The following TREM2 variants were observed in gnomAD, a reference collection of about 807,000 sequenced individuals.
The protein encoded by TREM2 is triggering receptor expressed on monocytes 2.
A neutral mutation model predicts 22.9 loss-of-function variants in TREM2; 20 were observed. The ratio of observed to expected loss-of-function variants is 0.87; its 90% CI spans 0.61 to 1.27. The LOEUF (loss-of-function observed/expected upper bound fraction) is 1.27. TREM2 is among the 50% of genes most tolerant of loss of function. The pLI is 0.00. For missense variants in TREM2, 267 were observed against 289.0 expected (o/e 0.92, Z 0.55); for synonymous variants, 111 against 120.9 (o/e 0.92, Z 0.54).
rs1765557010 is a variant in TREM2, at chr6:41,161,301, G to T, written c.353C>A (p.Ala118Asp). 2 of 1,614,182 alleles carry T rather than the reference G, an allele frequency of 1.2e-6. No individual in the cohort carries two copies. Among genetic ancestry groups the T allele is most frequent in the Non-Finnish European group, 1.7e-6 (2 of 1,180,010 alleles). The stretch of plus-strand genomic sequence containing the variant: ...CACCAGGACCTTCCTGAGGGTGTCA[G>T]CCTCACTGCCATGGAGGCTCTGGCA... ...YQCQSLHGSE[A>D]DTLRKVLVEV... The change falls in exon 2 of 5, where the codon GCT becomes GAT. Residue 118 changes from alanine (A) to aspartate (D), a missense_variant. Ala to Asp is a moderately radical substitution (Grantham distance 126). Transcript: ENST00000373113.
Position 41,161,692 on chromosome 6 carries a change from A to G in TREM2, c.41-79T>C, listed in dbSNP as rs1207172463. 3 of 1,259,716 alleles carry G rather than the reference A, an allele frequency of 2.4e-6. No homozygotes were observed. The East Asian group carries it at 7.5e-5, about 32-fold the overall frequency. The allele number at this position is 1,259,716 out of a possible 1,614,324, so 78.0% of individuals were successfully genotyped here. The stretch of plus-strand genomic sequence containing the variant: ...TTGCTCTGTGCAGTGACCTAAACAG[A>G]CAAAAATCCTGCCCTGAAGGAGCTT... On this transcript the variant is annotated intron_variant, in intron 1 of 4. Coordinates refer to ENST00000373113, the MANE Select transcript of TREM2 (RefSeq NM_018965.4).
In TREM2 at chr6:41,161,310, C is replaced by T. The variant is rs751357650; in HGVS notation, c.344G>A (p.Gly115Asp). The T allele has an allele frequency of 1.2e-6, 2 of 1,614,226 alleles. No homozygotes were observed. The highest frequency in any genetic ancestry group is 2.2e-5 in the South Asian group (2 of 91,088). ...CTTCCTGAGGGTGTCAGCCTCACTG[C>T]CATGGAGGCTCTGGCACTGGTAGAG... ...AGLYQCQSLH[G>D]SEADTLRKVL... Residue 115 changes from glycine (G) to aspartate (D), a missense_variant, in exon 2 of 5, where the codon GGC becomes GAC. Transcript: ENST00000373113.
intron 2 of TREM2, among the ~76,000 whole-genome samples, chr6:41,160,372 A>G (rs577052810): frequency 1.3e-5 from 2 of 152,132 alleles, no homozygotes; most frequent in Non-Finnish European, 2.9e-5. Flanking sequence ...GGCCTCCCCA[A>G]GTCAGGCAAA....
rs758041103 is a variant in TREM2 at position 41,158,662 on chromosome 6, G to C, written c.*102C>G. On this transcript the variant is annotated 3_prime_UTR_variant, in exon 5 of 5. Coordinates refer to ENST00000373113, the MANE Select transcript of TREM2 (RefSeq NM_018965.4). ...CAGTGTTCAGGCAGAGTAGTCTCTT[G>C]CCAGAGCAGAACAAGGAGTCCTGGT... 6.2e-7 allele frequency: 1 copy of C among 1,610,042 alleles called. No individual in the cohort carries two copies. Among genetic ancestry groups the C allele is most frequent in the Middle Eastern group, 1.7e-4 (1 of 6,056 alleles).
At chr6:41,160,649 C>T (rs568824984) in intron 2 of TREM2, among the ~76,000 whole-genome samples, 1 of 152,248 alleles carries the variant, frequency 6.6e-6, no homozygotes, top group East Asian at 1.9e-4. Flanking sequence ...GAGCACATGT[C>T]ACACCCTGCC....
At chr6:41,159,955 C>A in intron 2 of TREM2, 73 bp from the exon 3 acceptor site, 1 of 1,303,438 alleles carries the variant, frequency 7.7e-7, no homozygotes, top group Non-Finnish European at 1.1e-6. Flanking sequence ...GCGGGAGAAC[C>A]TTTATGGGTG....
rs1387919255 is a variant in TREM2 at position 41,163,041 on chromosome 6, A to G, written c.40+2T>C. 2 of 1,614,030 alleles carry G rather than the reference A, an allele frequency of 1.2e-6. No homozygotes were observed. Among genetic ancestry groups the G allele is most frequent in the African/African-American group, 1.3e-5 (1 of 74,922 alleles). On this transcript the variant is annotated splice_donor_variant, in intron 1 of 4. Transcript: ENST00000373113. LOFTEE classifies it high-confidence loss of function. ...CATCACAGGGCACGGAGGGGATCCT[A>G]CCTGTGACAAAGAGTAAGATGAGCA...
Position 41,163,025 on chromosome 6 carries a change from G to A in TREM2, c.40+18C>T. On this transcript the variant is annotated intron_variant, in intron 1 of 4. Transcript: ENST00000373113. ...AGTGAGGGAGAGAAGGCATCACAGG[G>A]CACGGAGGGGATCCTACCTGTGACA... The A allele has an allele frequency of 6.2e-7, 1 of 1,614,098 alleles. No homozygotes were observed. The highest frequency in any genetic ancestry group is 8.5e-7 in the Non-Finnish European group (1 of 1,179,978).
chr6:41,159,549 G>A (rs1445042688), intron 3 of TREM2, among the ~76,000 whole-genome samples: 5 of 152,180 alleles, frequency 3.3e-5, no homozygotes, highest in East Asian at 1.9e-4. Context: ...TTCAGGAGTC[G>A]TAGAGCAACT....
chr6:41,162,585 C>A (rs1028791517), intron 1 of TREM2, among the ~76,000 whole-genome samples: 1 of 152,222 alleles, frequency 6.6e-6, no homozygotes, highest in Admixed American at 6.5e-5. Context: ...GAGCTGAGGA[C>A]AAGGGGACCT....
intron 1 of TREM2, among the ~76,000 whole-genome samples, chr6:41,161,980 T>A (rs1003756223): frequency 9.2e-5 from 14 of 152,192 alleles, no homozygotes; most frequent in Non-Finnish European, 1.9e-4. Flanking sequence ...GCCCCGCCAC[T>A]CTTGCTTGCT....
Position 41,158,514 on chromosome 6 carries a change from TA to T in TREM2, c.*249del. 1 of 1,336,236 alleles carries T rather than the reference TA, an allele frequency of 7.5e-7. No individual in the cohort carries two copies. The highest frequency in any genetic ancestry group is 1.0e-6 in the Non-Finnish European group (1 of 986,940). 82.8% of individuals were successfully genotyped at this position (1,336,236 alleles called of 1,614,324 possible). On this transcript the variant is annotated 3_prime_UTR_variant, in exon 5 of 5. Transcript: ENST00000373113. ...TTCATGATGCCCAAAACTATCCAGC[TA>T]AATATGACAGTCTTGGATTTATTTG... is the stretch of plus-strand genomic sequence containing the variant.
At chr6:41,159,909 C>CA in intron 2 of TREM2, 27 bp from the exon 3 acceptor site, 1 of 1,601,158 alleles carries the variant, frequency 6.2e-7, no homozygotes, top group African/African-American at 1.3e-5. Flanking sequence ...CATGAGCCTC[C>CA]AGCCCCTTCC....
intron 2 of TREM2, among the ~76,000 whole-genome samples, chr6:41,160,090 C>T (rs530608149): frequency 1.5e-4 from 23 of 152,280 alleles, no homozygotes; most frequent in South Asian, 2.1e-4. Flanking sequence ...GCCAGGATTC[C>T]GTGAGGGCAC....
Position 41,163,088 on chromosome 6 carries a change from C to A in TREM2, c.-6G>T. ...AGCAGCCGGAGAGGCTCCATGCCAC[C>A]CTTCCCCAGCCAAGGGCAGAAGCAG... On this transcript the variant is annotated 5_prime_UTR_variant, in exon 1 of 5. Coordinates refer to ENST00000373113, the MANE Select transcript of TREM2 (RefSeq NM_018965.4). 6.8e-6 allele frequency: 11 copies of A among 1,614,088 alleles called. No individual in the cohort carries two copies. The highest frequency in any genetic ancestry group is 9.3e-6 in the Non-Finnish European group (11 of 1,179,982).
In TREM2 at chr6:41,161,599, G is replaced by A. The variant is rs764738032; in HGVS notation, c.55C>T (p.His19Tyr). 46 of 1,613,528 alleles carry A rather than the reference G, an allele frequency of 2.9e-5. No individual in the cohort carries two copies. The highest frequency in any genetic ancestry group is 3.8e-5 in the Non-Finnish European group (45 of 1,179,894). ...LLFVTELSGA[H>Y]NTTVFQGVAG... Reference sequence around the variant, plus strand: ...ACGCCCTGGAACACTGTGGTGTTGTGGGCTCCGGACAGCTCTGGGGAGGAG... The same window carrying A: ...ACGCCCTGGAACACTGTGGTGTTGTAGGCTCCGGACAGCTCTGGGGAGGAG... The change falls in exon 2 of 5, where the codon CAC (histidine) becomes TAC (tyrosine). Residue 19 changes from histidine to tyrosine, a missense_variant. By Grantham distance (83) the His-to-Tyr change is moderately conservative (BLOSUM62 2). Transcript: ENST00000373113.
chr6:41,160,234 A>G (rs7748513), intron 2 of TREM2, among the ~76,000 whole-genome samples: 24,069 of 152,148 alleles, frequency 0.16, 4,719 homozygotes, highest in African/African-American at 0.46. Context: ...AGCTGTCTAC[A>G]CAAGCTATGG....
rs767589082 is a variant in TREM2, at chr6:41,161,426, C to T, written c.228G>A (p.Arg76=). 1 of 1,614,262 alleles carries T rather than the reference C, an allele frequency of 6.2e-7. No individual in the cohort carries two copies. Among genetic ancestry groups the T allele is most frequent in the South Asian group, 1.1e-5 (1 of 91,086 alleles). ...TGATGGCTGTGCTCCCATTCCACCT[C>T]CTCAGGAAGGACAGCAGCCACAAGT... ...THNLWLLSFL[R]RWNGSTAITD... is the part of the protein sequence containing the mutation. The change falls in exon 2 of 5, where the codon AGG becomes AGA. Residue 76 remains arginine (R), a synonymous_variant. Coordinates refer to ENST00000373113, the MANE Select transcript of TREM2 (RefSeq NM_018965.4).
Position 41,159,011 on chromosome 6 carries a change from C to G in TREM2, c.538G>C (p.Ala180Pro). 1.9e-6 allele frequency: 3 copies of G among 1,614,134 alleles called. No individual in the cohort carries two copies. Among genetic ancestry groups the G allele is most frequent in the Middle Eastern group, 3.3e-4 (2 of 6,060 alleles). The change falls in exon 4 of 5, where the codon GCC becomes CCC. Residue 180 changes from alanine to proline, a missense_variant. Coordinates refer to ENST00000373113, the MANE Select transcript of TREM2 (RefSeq NM_018965.4). Reference protein sequence around the residue: ...FPPTSILLLLACIFLIKILAA... With the variant: ...FPPTSILLLLPCIFLIKILAA... ...AGAATCTTGATGAGAAAGATGCAGG[C>G]CAGGAGGAGAAGGATGGAAGTGGGT...
Sources: allele counts gnomAD v4.1 joint callset (sites outside exome capture counted in the v4.1 genomes callset), GRCh38; gene constraint gnomAD v4.1.1; transcripts MANE v1.5; gene names NCBI Gene and HGNC (gene_info 2026-07-23, HGNC 2026-07-21).